Variants in LARP4 observed in about 807,000 individuals in gnomAD.
LARP4 encodes La ribonucleoprotein 4, also known as la-related protein 4.
LARP4 carries 29 observed loss-of-function variants against 92.9 expected under a neutral mutation model. The observed-to-expected ratio is 0.31, with a 90% CI of 0.23 to 0.43. The LOEUF is 0.43. LARP4 is among the 20% of genes least tolerant of loss of function. The pLI, the probability that LARP4 is intolerant of heterozygous loss-of-function variation, is 1.00. For synonymous variants in LARP4, 279 were observed against 284.1 expected (o/e 0.98, Z 0.18); for missense variants, 732 against 860.0 (o/e 0.85, Z 1.86).
At chr12:50,436,686 C>G (rs927055851) in intron 5 of LARP4, among the ~76,000 whole-genome samples, 10 of 152,108 alleles carry the variant, frequency 6.6e-5, no homozygotes, top group African/African-American at 1.9e-4. Flanking sequence ...ATCAGTATTT[C>G]TTGGTAACCT....
intron 1 of LARP4, among the ~76,000 whole-genome samples, chr12:50,413,722 C>T (rs970947594): frequency 6.6e-6 from 1 of 152,142 alleles, no homozygotes; most frequent in Non-Finnish European, 1.5e-5. Context: ...CATGAAGTTG[C>T]AAAACAGTGT....
intron 4 of LARP4, among the ~76,000 whole-genome samples, chr12:50,432,216 G>A (rs1298872342): frequency 6.6e-6 from 1 of 152,164 alleles, no homozygotes; most frequent in Non-Finnish European, 1.5e-5. Context: ...TGTATGTCTT[G>A]TAAATTTTGA....
In LARP4 at chr12:50,462,591, CT is replaced by C; in HGVS notation, c.1346del (p.Phe449SerfsTer32). 1 of 1,041,552 alleles carries C rather than the reference CT, an allele frequency of 9.6e-7. No individual in the cohort carries two copies. 64.5% of individuals were successfully genotyped at this position (1,041,552 alleles called of 1,614,324 possible). On this transcript the variant is annotated frameshift_variant, in exon 12 of 16. Transcript: ENST00000398473. LOFTEE classifies it high-confidence loss of function. ...TTTTTCTTATTAAAAGGAGAACTCT[CT>C]TCAGAGGTCGAAGACGACGAGAAGA... ...GDYGRGRRTL[F>X]RGRRRREDDR...
intron 5 of LARP4, among the ~76,000 whole-genome samples, chr12:50,436,180 A>G (rs1039266042): frequency 6.8e-5 from 10 of 147,496 alleles, no homozygotes; most frequent in East Asian, 3.9e-4. Flanking sequence ...GTATGTATAT[A>G]TATATATATA....
chr12:50,478,339 G>A lies in LARP4; in HGVS notation c.*2475G>A, dbSNP rs2139284171. On this transcript the variant is annotated 3_prime_UTR_variant, in exon 16 of 16. Transcript: ENST00000398473. Reference sequence around the variant, plus strand: ...TGAGAGAGTGTGTGTGTGTGTATGTGTGTGTAATATTTATATATATTCACA... The same window carrying A: ...TGAGAGAGTGTGTGTGTGTGTATGTATGTGTAATATTTATATATATTCACA... 6.6e-6 allele frequency: 1 copy of A among 152,058 alleles called. No individual in the cohort carries two copies. The allele number at this position is 152,058 out of a possible 1,614,324, so 9.4% of individuals were successfully genotyped here.
intron 5 of LARP4, 113 bp from the exon 6 acceptor site, chr12:50,437,622 C>T (rs559087323): frequency 4.7e-4 from 280 of 600,160 alleles, no homozygotes; most frequent in Admixed American, 1.2e-3. Context: ...AGGATATTAA[C>T]CCAGCCTCTG....
rs926849799 is a variant in LARP4, at chr12:50,400,913, A to C, written c.-98A>C. On this transcript the variant is annotated 5_prime_UTR_variant, in exon 1 of 16. Coordinates refer to ENST00000398473, the MANE Select transcript of LARP4 (RefSeq NM_052879.5). ...CGGGTCCACTGCCGGGTGGAGGGGC[A>C]AGGCGAGTGTGTGTCCTTATCCTAG... The C allele has an allele frequency of 3.9e-6, 6 of 1,549,604 alleles. No homozygotes were observed. In the South Asian group the frequency reaches 4.5e-5, roughly 12 times the overall value.
In LARP4 at chr12:50,477,590, G is replaced by C. The variant is rs951323160; in HGVS notation, c.*1726G>C. 9 of 152,538 alleles carry C rather than the reference G, an allele frequency of 5.9e-5. No homozygotes were observed. Among genetic ancestry groups the C allele is most frequent in the African/African-American group, 2.2e-4 (9 of 41,446 alleles). The allele number at this position is 152,538 out of a possible 1,614,324, so 9.4% of individuals were successfully genotyped here. A position where few individuals can be genotyped will look rare whatever the true frequency, so the allele number is the denominator to read the frequency against. Reference sequence around the variant, plus strand: ...TGGAGATACATGTTAGTGGTTAACTGTTAAGAGCTTTGAAAACACTGCACA... The same window carrying C: ...TGGAGATACATGTTAGTGGTTAACTCTTAAGAGCTTTGAAAACACTGCACA... On this transcript the variant is annotated 3_prime_UTR_variant, in exon 16 of 16. Transcript: ENST00000398473.
chr12:50,430,412 C>T (rs1425552293), intron 3 of LARP4, 83 bp from the exon 4 acceptor site: 1 of 697,406 alleles, frequency 1.4e-6, no homozygotes, highest in Admixed American at 2.6e-5. Context: ...TACTTTGTGG[C>T]TTCTGAGTAC....
chr12:50,404,103 T>C (rs1235797561), intron 1 of LARP4, among the ~76,000 whole-genome samples: 1 of 152,120 alleles, frequency 6.6e-6, no homozygotes, highest in African/African-American at 2.4e-5. Flanking sequence ...GGCACACACC[T>C]GTAATCCTAG....
intron 6 of LARP4, among the ~76,000 whole-genome samples, chr12:50,439,497 G>A (rs904326784): frequency 6.6e-6 from 1 of 151,974 alleles, no homozygotes; most frequent in African/African-American, 2.4e-5. Flanking sequence ...CAAACTCCTT[G>A]GCTCAAGCAG....
At chr12:50,469,468 G>T (rs1227864967) in intron 13 of LARP4, among the ~76,000 whole-genome samples, 1 of 152,036 alleles carries the variant, frequency 6.6e-6, no homozygotes, top group Non-Finnish European at 1.5e-5. Context: ...GCCAGGCATG[G>T]TGGCGGGTGC....
At chr12:50,431,249 CAA>C (rs1949617024) in intron 4 of LARP4, among the ~76,000 whole-genome samples, 1 of 151,994 alleles carries the variant, frequency 6.6e-6, no homozygotes, top group South Asian at 2.1e-4. Flanking sequence ...GCCTGGGCAA[CAA>C]GAGCGAAACT....
chr12:50,426,738 T>TG (rs1948850490), intron 1 of LARP4, among the ~76,000 whole-genome samples: 1 of 144,436 alleles, frequency 6.9e-6, no homozygotes, highest in Non-Finnish European at 1.5e-5. Flanking sequence ...TGTGGTTTTT[T>TG]TTTTTTTTTT....
chr12:50,428,294 C>T (rs1949125088), intron 2 of LARP4, among the ~76,000 whole-genome samples: 1 of 152,140 alleles, frequency 6.6e-6, no homozygotes, highest in Non-Finnish European at 1.5e-5. Context: ...TCCCAAAGTG[C>T]TGGGATTACA....
intron 8 of LARP4, among the ~76,000 whole-genome samples, chr12:50,449,513 T>C (rs1368063836): frequency 7.2e-5 from 11 of 152,180 alleles, no homozygotes; most frequent in African/African-American, 2.7e-4. Flanking sequence ...GATACTGATC[T>C]GTCTCCCATA....
intron 13 of LARP4, among the ~76,000 whole-genome samples, chr12:50,472,882 C>T (rs903245469): frequency 1.2e-4 from 18 of 151,090 alleles, no homozygotes; most frequent in African/African-American, 2.4e-5. Flanking sequence ...TGCAGTGGTG[C>T]AATCTTGGCT....
chr12:50,404,622 G>A (rs934830169), intron 1 of LARP4, among the ~76,000 whole-genome samples: 1 of 151,600 alleles, frequency 6.6e-6, no homozygotes, highest in Non-Finnish European at 1.5e-5. Context: ...CTCTGAGACC[G>A]AGGCTAGAGG....
intron 6 of LARP4, among the ~76,000 whole-genome samples, chr12:50,439,642 C>G (rs1950919720): frequency 6.6e-6 from 1 of 152,058 alleles, no homozygotes; most frequent in African/African-American, 2.4e-5. Context: ...AGCAATTCCC[C>G]TACTTCAATC....
Sources: gnomAD v4.1 joint callset for allele counts (sites outside exome capture counted in the v4.1 genomes callset) on GRCh38, gnomAD v4.1.1 for gene constraint, MANE v1.5 for transcripts, NCBI Gene and HGNC (gene_info 2026-07-23, HGNC 2026-07-21) for gene names.